The following ALDH1A2 variants were observed in gnomAD, a reference collection of about 807,000 sequenced individuals.
ALDH1A2 encodes retinal dehydrogenase 2.
ALDH1A2 carries 27 observed loss-of-function variants against 60.3 expected under a neutral mutation model. The observed-to-expected ratio is 0.45, with a 90% confidence interval of 0.33 to 0.62. The LOEUF (loss-of-function observed/expected upper bound fraction) is 0.62. ALDH1A2 is among the 20% of genes least tolerant of loss of function. The pLI, the probability that ALDH1A2 is intolerant of heterozygous loss-of-function variation, is 0.02. For missense variants in ALDH1A2, 581 were observed against 643.8 expected, an observed-to-expected ratio of 0.90 and a Z score of 1.06; for synonymous variants, 289 against 232.4, an observed-to-expected ratio of 1.24 and a Z score of -2.21.
intron 1 of ALDH1A2, among the ~76,000 whole-genome samples, chr15:58,023,879 G>C (rs992599757): frequency 6.6e-6 from 1 of 152,068 alleles, no homozygotes; most frequent in African/African-American, 2.4e-5. Context: ...AGCACCTGAG[G>C]TTGGGAGCTC....
At chr15:58,003,012 A>C (rs1378603691) in intron 4 of ALDH1A2, among the ~76,000 whole-genome samples, 2 of 151,892 alleles carry the variant, frequency 1.3e-5, no homozygotes, top group African/African-American at 4.8e-5. Flanking sequence ...TCTTCCCAGA[A>C]GTCTGCTGGT....
At chr15:58,050,392 T>A (rs1293305587) in intron 1 of ALDH1A2, among the ~76,000 whole-genome samples, 1 of 152,108 alleles carries the variant, frequency 6.6e-6, no homozygotes, top group Non-Finnish European at 1.5e-5. Flanking sequence ...TATAATTAAA[T>A]ATGAATTTCA....
chr15:58,056,894 T>G (rs1310826113), intron 1 of ALDH1A2, among the ~76,000 whole-genome samples: 1 of 151,946 alleles, frequency 6.6e-6, no homozygotes. Flanking sequence ...GAAGTATAGG[T>G]GAAAATGTAG....
At chr15:58,002,489 C>T (rs1895307119) in intron 4 of ALDH1A2, among the ~76,000 whole-genome samples, 1 of 151,910 alleles carries the variant, frequency 6.6e-6, no homozygotes, top group African/African-American at 2.4e-5. Flanking sequence ...TTTTTAGTCT[C>T]ATAAAAATAT....
chr15:57,965,447 T>C (rs1424074630), intron 8 of ALDH1A2, among the ~76,000 whole-genome samples: 1 of 152,210 alleles, frequency 6.6e-6, no homozygotes, highest in Non-Finnish European at 1.5e-5. Flanking sequence ...ACCACTGCTG[T>C]TGAACCATAT....
At position 58,065,676 on chromosome 15, in the gene ALDH1A2, C is replaced by G; in HGVS notation, c.-26G>C. ...GGTGGCGGGCCGGGTGTCCCTAGCC[C>G]GCGGCGTGGGGCAGTGCGGGCTGTG... On this transcript the variant is annotated 5_prime_UTR_variant, in exon 1 of 13. Transcript: ENST00000249750. 1 of 1,524,892 alleles carries G rather than the reference C, an allele frequency of 6.6e-7. No homozygotes were observed. The highest frequency in any genetic ancestry group is 8.9e-7 in the Non-Finnish European group (1 of 1,125,030). The allele number at this position is 1,524,892 out of a possible 1,614,324, so 94.5% of individuals were successfully genotyped here. A position where few individuals can be genotyped will look rare whatever the true frequency, so the allele number is the denominator to read the frequency against.
chr15:58,034,508 C>T (rs1412932458), intron 1 of ALDH1A2, among the ~76,000 whole-genome samples: 3 of 151,630 alleles, frequency 2.0e-5, no homozygotes, highest in African/African-American at 7.3e-5. Context: ...TCTTGAATAG[C>T]AGCAGCAAGA....
rs1331798447 is a variant in ALDH1A2 at position 58,065,686 on chromosome 15, G to T, written c.-36C>A. On this transcript the variant is annotated 5_prime_UTR_variant, in exon 1 of 13. Coordinates refer to ENST00000249750, the MANE Select transcript of ALDH1A2 (RefSeq NM_003888.4). ...CGGGTGTCCCTAGCCCGCGGCGTGGGGCAGTGCGGGCTGTGCGCGCGGTCC... is the reference window on the plus strand; with the variant it reads ...CGGGTGTCCCTAGCCCGCGGCGTGGTGCAGTGCGGGCTGTGCGCGCGGTCC... 1 of 1,441,920 alleles carries T rather than the reference G, an allele frequency of 6.9e-7. No homozygotes were observed. The allele number at this position is 1,441,920 out of a possible 1,614,324, so 89.3% of individuals were successfully genotyped here.
chr15:58,063,231 A>G (rs1364104423), intron 1 of ALDH1A2, among the ~76,000 whole-genome samples: 1 of 152,216 alleles, frequency 6.6e-6, no homozygotes, highest in African/African-American at 2.4e-5. Context: ...TTAGCAAGAC[A>G]AAAAACAATA....
chr15:57,992,753 T>G lies in ALDH1A2; in HGVS notation c.750A>C (p.Ile250=). The G allele has an allele frequency of 6.2e-7, 1 of 1,614,164 alleles. No homozygotes were observed. Among genetic ancestry groups the G allele is most frequent in the Non-Finnish European group, 8.5e-7 (1 of 1,180,016 alleles). Residue 250 remains isoleucine, a synonymous_variant, in exon 7 of 13, where the codon ATA becomes ATC. Transcript: ENST00000249750. ...PGYGPTAGAA[I]ASHIGIDKIA... ...TCTTGTCTATGCCAATGTGAGAAGC[T>G]ATTGCTGCCCCAGCCGTTGGCCCAT...
In ALDH1A2 at chr15:58,014,452, T is replaced by C. The variant is rs1397782619; in HGVS notation, c.118-171A>G. ...ACTCAACGCCAATTTAGGAATTTCC[T>C]CTATATTTTTGCTTTAACATCATCC... On this transcript the variant is annotated intron_variant, in intron 1 of 12. Coordinates refer to ENST00000249750, the MANE Select transcript of ALDH1A2 (RefSeq NM_003888.4). 7.4e-6 allele frequency: 5 copies of C among 678,798 alleles called. No individual in the cohort carries two copies. In the Admixed American group the frequency reaches 1.0e-4, roughly 14 times the overall value. The allele number at this position is 678,798 out of a possible 1,614,324, so 42.0% of individuals were successfully genotyped here.
At chr15:58,013,622 C>A (rs61296280) in intron 3 of ALDH1A2, among the ~76,000 whole-genome samples, 1 of 151,968 alleles carries the variant, frequency 6.6e-6, no homozygotes, top group Non-Finnish European at 1.5e-5. Flanking sequence ...TGTGGTGGCA[C>A]GTGCACGTAA....
chr15:57,997,847 C>G (rs1315141533), intron 4 of ALDH1A2, among the ~76,000 whole-genome samples: 1 of 151,910 alleles, frequency 6.6e-6, no homozygotes, highest in Non-Finnish European at 1.5e-5. Context: ...CAGGCTAACA[C>G]AGGGAAAGAG....
chr15:57,989,999 C>CAAAAA (rs1229267241), intron 7 of ALDH1A2, among the ~76,000 whole-genome samples: 1 of 25,452 alleles, frequency 3.9e-5, no homozygotes, highest in African/African-American at 1.2e-4. Context: ...GACTCCGTCT[C>CAAAAA]AAAAAAAAAA....
intron 3 of ALDH1A2, chr15:58,012,140 A>G (rs74018809): frequency 1.4e-3 from 212 of 152,302 alleles, no homozygotes; most frequent in African/African-American, 4.8e-3. Flanking sequence ...GTGTGGTAGG[A>G]AAAGAGACCT....
chr15:58,029,968 G>A (rs775252583), intron 1 of ALDH1A2, among the ~76,000 whole-genome samples: 1 of 152,112 alleles, frequency 6.6e-6, no homozygotes, highest in South Asian at 2.1e-4. Flanking sequence ...CAGCAAAGAC[G>A]ATCTGGTACC....
chr15:58,016,828 T>C (rs1271789768), intron 1 of ALDH1A2, among the ~76,000 whole-genome samples: 1 of 152,184 alleles, frequency 6.6e-6, no homozygotes. Flanking sequence ...CGTTTTCTAA[T>C]TGTGTTGTGT....
At chr15:57,978,874 T>C (rs1894374581) in intron 7 of ALDH1A2, among the ~76,000 whole-genome samples, 2 of 152,110 alleles carry the variant, frequency 1.3e-5, no homozygotes, top group Admixed American at 6.5e-5. Flanking sequence ...TCGTCTCTAC[T>C]AAAAATACAA....
intron 4 of ALDH1A2, among the ~76,000 whole-genome samples, chr15:58,006,886 T>A (rs1337559495): frequency 1.3e-5 from 2 of 151,544 alleles, no homozygotes; most frequent in African/African-American, 4.8e-5. Flanking sequence ...AGTGTCCTTT[T>A]TTGTGGTCTG....
Sources: allele counts gnomAD v4.1 joint callset (sites outside exome capture counted in the v4.1 genomes callset), GRCh38; gene constraint gnomAD v4.1.1; transcripts MANE v1.5; gene names NCBI Gene and HGNC (gene_info 2026-07-23, HGNC 2026-07-21).